The following FBXL20 variants were observed in gnomAD, a reference collection of about 807,000 sequenced individuals.
FBXL20 encodes the protein F-box and leucine rich repeat protein 20, also known as F-box/LRR-repeat protein 20.
In FBXL20, 11 loss-of-function variants were observed where a neutral mutation model predicts 64.0. The observed-to-expected ratio is 0.17, with a 90% CI of 0.11 to 0.28. The LOEUF (loss-of-function observed/expected upper bound fraction) is 0.28. FBXL20 is among the 10% of genes least tolerant of loss of function. The probability of loss-of-function intolerance (pLI) is 1.00; values close to 1 mark genes in which losing one functional copy is unlikely to be tolerated. For synonymous variants in FBXL20, 184 were observed against 189.0 expected (o/e 0.97, Z 0.22); for missense variants, 303 against 526.2 (o/e 0.58, Z 4.15).
chr17:39,371,038 G>C (rs1220064350), intron 1 of FBXL20, among the ~76,000 whole-genome samples: 1 of 151,694 alleles, frequency 6.6e-6, no homozygotes, highest in East Asian at 2.0e-4. Context: ...GACCACCATG[G>C]AGAAACCCCA....
chr17:39,321,544 G>A (rs1447253462), intron 2 of FBXL20, among the ~76,000 whole-genome samples: 3 of 149,954 alleles, frequency 2.0e-5, no homozygotes, highest in Admixed American at 6.7e-5. Context: ...CTGGGAGGCC[G>A]AGGTGGGTGG....
chr17:39,339,165 CAA>C (rs59901064), intron 2 of FBXL20, among the ~76,000 whole-genome samples: 15 of 68,000 alleles, frequency 2.2e-4, no homozygotes, highest in Admixed American at 3.5e-4. Context: ...GACCCTGTCT[CAA>C]AAAAAAAAAA....
intron 1 of FBXL20, among the ~76,000 whole-genome samples, chr17:39,353,718 G>A (rs1201342810): frequency 1.3e-5 from 2 of 151,890 alleles, no homozygotes; most frequent in Admixed American, 6.6e-5. Flanking sequence ...CACCTCCCAG[G>A]TTCAAGCGAT....
Position 39,265,465 on chromosome 17 carries a change from A to AAT in FBXL20, c.934-13_934-12insAT, listed in dbSNP as rs751597265. On this transcript the variant is annotated splice_polypyrimidine_tract_variant and intron_variant, in intron 12 of 14. Coordinates refer to ENST00000264658, the MANE Select transcript of FBXL20 (RefSeq NM_032875.3). ...GTGCTATCTGTTATCTGAAAGAAAT[A>AAT]ACGTATGTTGATTTTAGGTATAATC... 1.3e-6 allele frequency: 2 copies of AAT among 1,588,940 alleles called. No homozygotes were observed. The highest frequency in any genetic ancestry group is 1.7e-5 in the Admixed American group (1 of 59,920).
intron 2 of FBXL20, among the ~76,000 whole-genome samples, chr17:39,312,304 A>AC (rs2047241992): frequency 6.6e-6 from 1 of 151,586 alleles, no homozygotes; most frequent in African/African-American, 2.4e-5. Context: ...AATCACAGCT[A>AC]TCGGGAGGCT....
At chr17:39,379,095 G>A (rs1451681253) in intron 1 of FBXL20, among the ~76,000 whole-genome samples, 5 of 150,040 alleles carry the variant, frequency 3.3e-5, no homozygotes, top group Admixed American at 2.0e-4. Flanking sequence ...GGGTGGTGGC[G>A]CATGCCTATA....
intron 1 of FBXL20, among the ~76,000 whole-genome samples, chr17:39,353,430 T>A (rs1444395826): frequency 2.0e-5 from 3 of 152,106 alleles, no homozygotes; most frequent in Non-Finnish European, 4.4e-5. Flanking sequence ...ATTTTATTAG[T>A]TATTTTTGTT....
At chr17:39,315,410 T>C (rs1052527753) in intron 2 of FBXL20, among the ~76,000 whole-genome samples, 1 of 149,138 alleles carries the variant, frequency 6.7e-6, no homozygotes, top group Non-Finnish European at 1.5e-5. Flanking sequence ...TATATATATA[T>C]ATAGTACATG....
chr17:39,307,886 G>A (rs1336145490), intron 2 of FBXL20, among the ~76,000 whole-genome samples: 1 of 150,402 alleles, frequency 6.6e-6, no homozygotes, highest in African/African-American at 2.5e-5. Flanking sequence ...CAGGAGAATC[G>A]CTACAACTTG....
intron 2 of FBXL20, among the ~76,000 whole-genome samples, chr17:39,324,017 C>G (rs951845010): frequency 1.5e-5 from 2 of 135,082 alleles, no homozygotes; most frequent in East Asian, 2.5e-4. Flanking sequence ...AACCCCCTCC[C>G]CCCCCCACCC....
At chr17:39,389,104 CAAA>C (rs752930971) in intron 1 of FBXL20, among the ~76,000 whole-genome samples, 26 of 52,702 alleles carry the variant, frequency 4.9e-4, no homozygotes, top group African/African-American at 1.4e-3. Context: ...AACTCCATCT[CAAA>C]AAAAAAAAAA....
intron 12 of FBXL20, among the ~76,000 whole-genome samples, chr17:39,267,517 T>C (rs1357895064): frequency 6.6e-6 from 1 of 152,190 alleles, no homozygotes; most frequent in Non-Finnish European, 1.5e-5. Context: ...AAAAAATTAA[T>C]GTTGGAACAT....
chr17:39,401,748 C>CGCGGCG, upstream of FBXL20: 5 of 1,068,412 alleles, frequency 4.7e-6, no homozygotes, highest in Non-Finnish European at 5.7e-6. Flanking sequence ...AGGGGAGGAG[C>CGCGGCG]GCGGCGGCGG....
At chr17:39,348,772 C>T (rs555120464) in intron 1 of FBXL20, among the ~76,000 whole-genome samples, 42 of 152,286 alleles carry the variant, frequency 2.8e-4, no homozygotes, top group African/African-American at 9.6e-4. Context: ...CTATCATAGA[C>T]CACTGCAGCC....
At position 39,258,209 on chromosome 17, in the gene FBXL20, ATT is replaced by A. The variant is rs2046712100; in HGVS notation, c.*3249_*3250del. 1 of 152,198 alleles carries A rather than the reference ATT, an allele frequency of 6.6e-6. No homozygotes were observed. The highest frequency in any genetic ancestry group is 1.5e-5 in the Non-Finnish European group (1 of 68,032). The allele number at this position is 152,198 out of a possible 1,614,324, so 9.4% of individuals were successfully genotyped here. Reference sequence around the variant, plus strand: ...TTTTCCTGTAAAGAATTTTTCCTACATTAAGCCTTACTGAATTTTCAAAAGTA... The same window carrying A: ...TTTTCCTGTAAAGAATTTTTCCTACAAAGCCTTACTGAATTTTCAAAAGTA... On this transcript the variant is annotated 3_prime_UTR_variant, in exon 15 of 15. Transcript: ENST00000264658.
At chr17:39,308,590 A>G (rs1274220461) in intron 2 of FBXL20, among the ~76,000 whole-genome samples, 1 of 148,346 alleles carries the variant, frequency 6.7e-6, no homozygotes, top group Non-Finnish European at 1.5e-5. Flanking sequence ...TTTGAGACGG[A>G]GTCTTGCTCT....
Position 39,306,684 on chromosome 17 carries a change from T to C in FBXL20, c.105-3045A>G, listed in dbSNP as rs575974605. On this transcript the variant is annotated intron_variant, in intron 2 of 14. Transcript: ENST00000264658. ...TTGAAGCAGAAAGTGCTTTTGGTGA[T>C]TGAAATATTTGCATGATGTCAGAAA... Among the ~76,000 whole-genome samples the C allele has an allele frequency of 1.0e-3, 156 of 152,336 alleles. 1 individual carries two copies. The highest frequency in any genetic ancestry group is 3.6e-3 in the African/African-American group (149 of 41,590).
intron 2 of FBXL20, among the ~76,000 whole-genome samples, chr17:39,321,595 T>C (rs1164856170): frequency 1.3e-5 from 2 of 151,100 alleles, no homozygotes; most frequent in East Asian, 1.9e-4. Flanking sequence ...CTGGCCAACA[T>C]GGTAAAACCT....
chr17:39,401,244 C>G, intron 1 of FBXL20, 117 bp downstream of exon 1: 3 of 1,574,624 alleles, frequency 1.9e-6, no homozygotes, highest in Non-Finnish European at 2.6e-6. Flanking sequence ...CTGGCAGCCC[C>G]GCCAGTGGGT....
Sources: allele counts gnomAD v4.1 joint callset (sites outside exome capture counted in the v4.1 genomes callset), GRCh38; gene constraint gnomAD v4.1.1; transcripts MANE v1.5; gene names NCBI Gene and HGNC (gene_info 2026-07-23, HGNC 2026-07-21).